ATP6V0E1: variants seen among roughly 807,000 people sequenced by gnomAD.
ATP6V0E1 encodes the protein V-type proton ATPase subunit e 1.
Under a neutral mutation model 11.6 loss-of-function variants are expected in ATP6V0E1, and 4 were observed. That is an observed-to-expected ratio of 0.35 (90% CI 0.17 to 0.79). ATP6V0E1 has a LOEUF of 0.79. Ranked by LOEUF, ATP6V0E1 falls within the 30% of genes least tolerant of loss-of-function variation. The pLI is 0.54. For synonymous variants in ATP6V0E1, 36 were observed against 34.8 expected (o/e 1.04, Z -0.13); for missense variants, 105 against 100.0 (o/e 1.05, Z -0.21).
At chr5:173,021,787 G>A (rs553945309) in intron 3 of ATP6V0E1, among the ~76,000 whole-genome samples, 5 of 152,308 alleles carry the variant, frequency 3.3e-5, no homozygotes, top group East Asian at 3.9e-4. Context: ...GGTGGCTCAC[G>A]CCTGTAATCC....
At chr5:172,994,395 A>G (rs1246413612) in intron 1 of ATP6V0E1, among the ~76,000 whole-genome samples, 3 of 152,216 alleles carry the variant, frequency 2.0e-5, no homozygotes, top group Non-Finnish European at 4.4e-5. Context: ...GGGAGAGCTC[A>G]TCGCTGGAGA....
chr5:173,024,268 A>C (rs1561776471), intron 3 of ATP6V0E1, among the ~76,000 whole-genome samples: 1 of 151,974 alleles, frequency 6.6e-6, no homozygotes, highest in East Asian at 1.9e-4. Flanking sequence ...TACAGGTTTA[A>C]TTCTTTTAAT....
At chr5:172,997,177 A>G (rs1012968196) in intron 2 of ATP6V0E1, among the ~76,000 whole-genome samples, 3 of 152,202 alleles carry the variant, frequency 2.0e-5, no homozygotes, top group African/African-American at 7.2e-5. Flanking sequence ...TGAGAATCAA[A>G]ATTGTCAAAT....
At chr5:172,994,880 C>T in intron 2 of ATP6V0E1, 58 bp downstream of exon 2, 3 of 1,378,436 alleles carry the variant, frequency 2.2e-6, no homozygotes, top group Non-Finnish European at 3.0e-6. Flanking sequence ...GCGATTTACA[C>T]ATTTGTTTTA....
intron 1 of ATP6V0E1, among the ~76,000 whole-genome samples, chr5:172,988,357 A>G (rs1016255048): frequency 2.0e-5 from 3 of 152,194 alleles, no homozygotes; most frequent in African/African-American, 7.2e-5. Flanking sequence ...AAGAGTTGCT[A>G]TAATACATTT....
At chr5:172,985,520 A>C (rs1755884076) in intron 1 of ATP6V0E1, among the ~76,000 whole-genome samples, 1 of 152,132 alleles carries the variant, frequency 6.6e-6, no homozygotes, top group African/African-American at 2.4e-5. Flanking sequence ...TACCAAAGTT[A>C]ATTAGACTTG....
chr5:172,994,201 T>G (rs1756028244), intron 1 of ATP6V0E1, among the ~76,000 whole-genome samples: 1 of 152,032 alleles, frequency 6.6e-6, no homozygotes, highest in South Asian at 2.1e-4. Context: ...GGACAAAAGA[T>G]GATGGATGTG....
At chr5:173,000,148 G>A (rs1756131917) in intron 2 of ATP6V0E1, among the ~76,000 whole-genome samples, 1 of 152,026 alleles carries the variant, frequency 6.6e-6, no homozygotes, top group Non-Finnish European at 1.5e-5. Context: ...TCTGTTTGTT[G>A]CAGTTTTTTC....
intron 1 of ATP6V0E1, among the ~76,000 whole-genome samples, chr5:172,994,484 T>C (rs530304628): frequency 3.3e-5 from 5 of 152,370 alleles, no homozygotes; most frequent in Non-Finnish European, 7.3e-5. Context: ...TTGTCAAAAC[T>C]AATTGTCACT....
chr5:173,025,150 T>C (rs1162913849), intron 3 of ATP6V0E1, among the ~76,000 whole-genome samples: 1 of 147,862 alleles, frequency 6.8e-6, no homozygotes, highest in Non-Finnish European at 1.5e-5. Flanking sequence ...ATTCTTTTTT[T>C]TTTTTTTTTT....
intron 3 of ATP6V0E1, among the ~76,000 whole-genome samples, chr5:173,023,033 G>A (rs1756508233): frequency 6.6e-6 from 1 of 151,392 alleles, no homozygotes; most frequent in African/African-American, 2.4e-5. Flanking sequence ...CTTTTGTTTT[G>A]TTTTGTGGAA....
intron 2 of ATP6V0E1, among the ~76,000 whole-genome samples, chr5:173,006,839 T>C (rs1287440560): frequency 6.6e-6 from 1 of 152,178 alleles, no homozygotes; most frequent in East Asian, 1.9e-4. Flanking sequence ...GAATTTCTTA[T>C]GGATACATTT....
chr5:173,004,879 A>C (rs1250326861), intron 2 of ATP6V0E1, among the ~76,000 whole-genome samples: 1 of 152,172 alleles, frequency 6.6e-6, no homozygotes, highest in African/African-American at 2.4e-5. Flanking sequence ...CCCAATATAG[A>C]CATCCAGTTG....
intron 2 of ATP6V0E1, among the ~76,000 whole-genome samples, chr5:172,998,592 A>G (rs1248999112): frequency 2.7e-5 from 4 of 149,048 alleles, no homozygotes; most frequent in African/African-American, 1.0e-4. Flanking sequence ...CCTAGGCATC[A>G]GAGTGAGACT....
intron 3 of ATP6V0E1, among the ~76,000 whole-genome samples, chr5:173,033,864 CA>C (rs1164929883): frequency 2.0e-5 from 3 of 151,242 alleles, no homozygotes; most frequent in African/African-American, 7.3e-5. Context: ...AAAAATAAAA[CA>C]AAACAAAAAA....
chr5:172,984,435 A>T (rs1251312787), intron 1 of ATP6V0E1, among the ~76,000 whole-genome samples: 86 of 152,126 alleles, frequency 5.7e-4, no homozygotes, highest in Non-Finnish European at 4.4e-5. Context: ...TCCTTCGACA[A>T]CATTGAGCCC....
intron 2 of ATP6V0E1, among the ~76,000 whole-genome samples, chr5:173,006,335 G>A (rs1756229626): frequency 6.6e-6 from 1 of 152,132 alleles, no homozygotes; most frequent in South Asian, 2.1e-4. Context: ...TCTGGGCCGG[G>A]CACGATGGCT....
At chr5:173,029,966 C>T (rs1339944528) in intron 3 of ATP6V0E1, among the ~76,000 whole-genome samples, 1 of 152,202 alleles carries the variant, frequency 6.6e-6, no homozygotes, top group African/African-American at 2.4e-5. Context: ...TTTCCTGACT[C>T]TCACTACCCT....
chr5:173,008,744 C>G (rs1259835061), intron 2 of ATP6V0E1, among the ~76,000 whole-genome samples: 1 of 148,958 alleles, frequency 6.7e-6, no homozygotes, highest in African/African-American at 2.4e-5. Context: ...CCCATCTCTA[C>G]TAAAAATACA....
Sources: gnomAD v4.1 joint callset for allele counts (sites outside exome capture counted in the v4.1 genomes callset) on GRCh38, gnomAD v4.1.1 for gene constraint, MANE v1.5 for transcripts, NCBI Gene and HGNC (gene_info 2026-07-23, HGNC 2026-07-21) for gene names.